Variants in KIF3C observed in about 807,000 individuals in gnomAD.
The protein encoded by KIF3C is kinesin-like protein KIF3C.
A neutral mutation model predicts 67.7 loss-of-function variants in KIF3C; 12 were observed. The observed-to-expected ratio is 0.18, with a 90% CI of 0.11 to 0.29. The LOEUF (loss-of-function observed/expected upper bound fraction) is 0.29. Ranked by LOEUF, KIF3C falls within the 10% of genes least tolerant of loss-of-function variation. KIF3C has a pLI of 1.00. For synonymous variants in KIF3C, 393 were observed against 426.2 expected (o/e 0.92, Z 0.96); for missense variants, 789 against 1,059.6 (o/e 0.74, Z 3.55).
Position 25,954,267 on chromosome 2 carries a change from T to G in KIF3C, c.1889A>C (p.Lys630Thr). 6.2e-7 allele frequency: 1 copy of G among 1,612,548 alleles called. No individual in the cohort carries two copies. The highest frequency in any genetic ancestry group is 8.5e-7 in the Non-Finnish European group (1 of 1,178,576). Residue 630 changes from lysine (K) to threonine (T), a missense_variant and splice_region_variant, in exon 4 of 8, where the codon AAG (lysine) becomes ACG (threonine). Lys to Thr is a moderately conservative substitution (Grantham distance 78). Around this residue, in one of 2 missense-constraint regions of KIF3C, gnomAD observed 648 missense variants for 807.8 expected, o/e 0.80. Transcript: ENST00000264712. ...QNEQTRELKL[K>T]YLIIENFIPP... Reference sequence around the variant, plus strand: ...GGATGAAAAGAGCTGCGGGCCCTACTTGAGCTTGAGTTCGCGGGTCTGCTC... The same window carrying G: ...GGATGAAAAGAGCTGCGGGCCCTACGTGAGCTTGAGTTCGCGGGTCTGCTC...
intron 1 of KIF3C, among the ~76,000 whole-genome samples, chr2:25,975,952 C>T (rs1292240296): frequency 2.0e-5 from 3 of 151,408 alleles, no homozygotes; most frequent in East Asian, 1.9e-4. Context: ...AGTGAGACTC[C>T]GCCTCAAAAA....
At chr2:25,946,428 C>G (rs1429247458) in intron 5 of KIF3C, among the ~76,000 whole-genome samples, 2 of 152,026 alleles carry the variant, frequency 1.3e-5, no homozygotes, top group Non-Finnish European at 2.9e-5. Flanking sequence ...TGGTGGCTCA[C>G]GCCTGTAATC....
intron 1 of KIF3C, among the ~76,000 whole-genome samples, chr2:25,971,008 C>T (rs1299766017): frequency 6.7e-6 from 1 of 150,058 alleles, no homozygotes. Context: ...CACAGTGGCT[C>T]ATGCCTGTAA....
intron 1 of KIF3C, among the ~76,000 whole-genome samples, chr2:25,970,591 C>T (rs758178323): frequency 6.9e-5 from 10 of 145,166 alleles, no homozygotes; most frequent in Non-Finnish European, 1.2e-4. Context: ...TGGTTGAACC[C>T]GGGAGGTGGA....
chr2:25,963,183 T>C (rs1266970673), intron 1 of KIF3C, among the ~76,000 whole-genome samples: 1 of 48,614 alleles, frequency 2.1e-5, no homozygotes, highest in Non-Finnish European at 3.1e-5. Context: ...TGTATATATA[T>C]ATATATATAT....
At chr2:25,959,061 C>T (rs1054917366) in intron 1 of KIF3C, among the ~76,000 whole-genome samples, 3 of 151,990 alleles carry the variant, frequency 2.0e-5, no homozygotes, top group Non-Finnish European at 4.4e-5. Context: ...GCAACAAGAG[C>T]AAAACTCCGT....
intron 1 of KIF3C, among the ~76,000 whole-genome samples, chr2:25,969,228 C>A (rs1053745880): frequency 6.6e-6 from 1 of 152,140 alleles, no homozygotes; most frequent in Non-Finnish European, 1.5e-5. Flanking sequence ...TTATTATCAA[C>A]CCTGGATTTT....
chr2:25,970,357 A>G (rs1664246365), intron 1 of KIF3C, among the ~76,000 whole-genome samples: 1 of 152,110 alleles, frequency 6.6e-6, no homozygotes, highest in African/African-American at 2.4e-5. Flanking sequence ...GCAAAATGAT[A>G]CACATAAAGA....
intron 6 of KIF3C, 116 bp from the exon 7 acceptor site, chr2:25,929,593 G>A (rs2090440791): frequency 1.2e-6 from 1 of 800,610 alleles, no homozygotes; most frequent in African/African-American, 1.7e-5. Context: ...AGCAGAGGCT[G>A]TGAGCATCCC....
At chr2:25,974,427 C>T (rs1335731197) in intron 1 of KIF3C, among the ~76,000 whole-genome samples, 2 of 151,790 alleles carry the variant, frequency 1.3e-5, no homozygotes, top group African/African-American at 4.8e-5. Flanking sequence ...TCTTGAATTC[C>T]TGGGCTCAAG....
intron 1 of KIF3C, among the ~76,000 whole-genome samples, chr2:25,969,104 G>A (rs1172034870): frequency 6.6e-6 from 1 of 152,144 alleles, no homozygotes; most frequent in East Asian, 1.9e-4. Context: ...GATTACAGGC[G>A]TGAGCCACCG....
At chr2:25,931,685 TG>T (rs559690639) in intron 5 of KIF3C, among the ~76,000 whole-genome samples, 210 of 152,178 alleles carry the variant, frequency 1.4e-3, no homozygotes, top group African/African-American at 4.8e-3. Context: ...TCACCCAGGC[TG>T]GAGTGCAGTG....
At chr2:25,959,902 A>G (rs1039286455) in intron 1 of KIF3C, among the ~76,000 whole-genome samples, 7 of 152,040 alleles carry the variant, frequency 4.6e-5, no homozygotes, top group Admixed American at 1.3e-4. Context: ...GACCATGGAT[A>G]CCTGATCCCC....
At position 25,951,769 on chromosome 2, in the gene KIF3C, C is replaced by A. The variant is rs771774727; in HGVS notation, c.2006+20G>T. The A allele has an allele frequency of 2.6e-6, 4 of 1,557,352 alleles. No individual in the cohort carries two copies. In the East Asian group the frequency reaches 6.7e-5, roughly 26 times the overall value. On this transcript the variant is annotated intron_variant, in intron 5 of 7. Transcript: ENST00000264712. ...GGACCCACAAGTCCCCCAGCCCAGACAGCTGGGTTAGAGACTCACACGCCG... is the reference window on the plus strand; with the variant it reads ...GGACCCACAAGTCCCCCAGCCCAGAAAGCTGGGTTAGAGACTCACACGCCG...
rs909679925 is a variant in KIF3C, at chr2:25,958,725, C to T, written c.1546-2281G>A. On this transcript the variant is annotated intron_variant, in intron 1 of 7. Transcript: ENST00000264712. This position sits in a 1 kb window ranked among gnomAD's most constrained non-coding sequence, Gnocchi z 4.5. ...GGGAGCTGGCCTGGCCTCCCGGTTC[C>T]TCTTACTATTCATGCTCTGCGTATG... is the stretch of plus-strand genomic sequence containing the variant. Among the ~76,000 whole-genome samples, 10 of 152,232 alleles carry T rather than the reference C, an allele frequency of 6.6e-5. No individual in the cohort carries two copies. The highest frequency in any genetic ancestry group is 1.2e-4 in the Non-Finnish European group (8 of 68,034).
In KIF3C at chr2:25,931,652, T is replaced by C. The variant is rs578195337; in HGVS notation, c.2007-1589A>G. ...TTTAGCTTGTAGCTTTATATACTTT[T>C]TTTTTTTCAAAGTCTTGCTCTGTCA... On this transcript the variant is annotated intron_variant, in intron 5 of 7. Coordinates refer to ENST00000264712, the MANE Select transcript of KIF3C (RefSeq NM_002254.8). 7.9e-4 allele frequency among the ~76,000 whole-genome samples: 121 copies of C among 152,224 alleles called. No individual in the cohort carries two copies. In the Middle Eastern group the frequency reaches 0.01, roughly 13 times the overall value.
intron 4 of KIF3C, among the ~76,000 whole-genome samples, chr2:25,952,184 CA>C (rs1663634176): frequency 6.6e-6 from 1 of 151,972 alleles, no homozygotes; most frequent in South Asian, 2.1e-4. Flanking sequence ...CCTGTAGTCC[CA>C]AGCTACTCAG....
At chr2:25,956,974 C>T (rs184810972) in intron 1 of KIF3C, among the ~76,000 whole-genome samples, 77 of 152,274 alleles carry the variant, frequency 5.1e-4, no homozygotes, top group Admixed American at 1.8e-3. Context: ...AGGAACAGCA[C>T]GGGCCCAGCA....
intron 5 of KIF3C, among the ~76,000 whole-genome samples, chr2:25,945,067 G>A (rs1364193765): frequency 2.0e-5 from 3 of 151,114 alleles, no homozygotes; most frequent in Admixed American, 2.0e-4. Context: ...GGAGGTGGAG[G>A]TTGCAGTGAA....
Sources: allele counts gnomAD v4.1 joint callset (sites outside exome capture counted in the v4.1 genomes callset), GRCh38; gene constraint gnomAD v4.1.1; regional missense constraint gnomAD v4.1.1; non-coding constraint Gnocchi (gnomAD v3.1); transcripts MANE v1.5; gene names NCBI Gene and HGNC (gene_info 2026-07-23, HGNC 2026-07-21).